The following MAP3K4 variants were observed in gnomAD, a reference collection of about 807,000 sequenced individuals.
MAP3K4 encodes the protein mitogen-activated protein kinase kinase kinase 4.
In MAP3K4, 67 loss-of-function variants were observed where a neutral mutation model predicts 185.6. That is an observed-to-expected ratio of 0.36 (90% CI 0.30 to 0.44). MAP3K4 has a LOEUF of 0.44. Among genes scored for constraint, MAP3K4 ranks in the 20% least tolerant of loss-of-function variants. The pLI, the probability that MAP3K4 is intolerant of heterozygous loss-of-function variation, is 1.00. For missense variants in MAP3K4, 1,551 were observed against 1,995.1 expected (o/e 0.78, Z 4.24); for synonymous variants, 702 against 710.4 (o/e 0.99, Z 0.19).
At chr6:161,044,808 A>G (rs959588433) in intron 2 of MAP3K4, among the ~76,000 whole-genome samples, 5 of 152,190 alleles carry the variant, frequency 3.3e-5, no homozygotes, top group African/African-American at 1.2e-4. Flanking sequence ...GAAGGTGAAG[A>G]GGAAGCAGGC....
intron 5 of MAP3K4, among the ~76,000 whole-genome samples, chr6:161,079,257 G>T (rs1239572164): frequency 6.7e-6 from 1 of 148,676 alleles, no homozygotes; most frequent in African/African-American, 2.5e-5. Flanking sequence ...GGAGGAAGCT[G>T]ACTTTGCAGC....
rs1279309950 is a variant in MAP3K4, at chr6:161,098,259, G to A, written c.3525-19G>A. The A allele has an allele frequency of 3.1e-6, 5 of 1,605,206 alleles. No individual in the cohort carries two copies. In the African/African-American group the frequency reaches 6.7e-5, roughly 22 times the overall value. ...CCCTCTTCTCACATGTGTTCCTGAA[G>A]CTTTTCTTCTTGTCTTAGCACTCGG... On this transcript the variant is annotated intron_variant, in intron 16 of 26. Coordinates refer to ENST00000392142, the MANE Select transcript of MAP3K4 (RefSeq NM_005922.4). This position sits in a 1 kb window ranked among gnomAD's most constrained non-coding sequence, Gnocchi z 4.4.
At position 161,054,227 on chromosome 6, in the gene MAP3K4, T is replaced by A. The variant is rs1784134257; in HGVS notation, c.1707+4248T>A. On this transcript the variant is annotated intron_variant, in intron 3 of 26. Transcript: ENST00000392142. The surrounding 1 kb of genome is among the most constrained non-coding windows in gnomAD (Gnocchi z 4.2). The stretch of plus-strand genomic sequence containing the variant: ...TGGAGTGCAATGGCGCTATCTCAGC[T>A]CCCTGAGACCTTTGCCTTGGGGGTT... Among the ~76,000 whole-genome samples, 1 of 152,222 alleles carries A rather than the reference T, an allele frequency of 6.6e-6. No homozygotes were observed. The highest frequency in any genetic ancestry group is 6.5e-5 in the Admixed American group (1 of 15,280).
At chr6:161,060,819 C>T (rs955977208) in intron 3 of MAP3K4, among the ~76,000 whole-genome samples, 1 of 151,986 alleles carries the variant, frequency 6.6e-6, no homozygotes, top group African/African-American at 2.4e-5. Context: ...CGGGTTTACA[C>T]CATGTTGGCC....
chr6:161,089,591 C>A, intron 11 of MAP3K4, 120 bp downstream of exon 11: 1 of 936,486 alleles, frequency 1.1e-6, no homozygotes, highest in Non-Finnish European at 1.6e-6. Context: ...CCTGCCCACT[C>A]ACCTCTCTTC....
rs145287122 is a variant in MAP3K4 at position 161,042,166 on chromosome 6, C to T, written c.344-6450C>T. Among the ~76,000 whole-genome samples the T allele has an allele frequency of 3.3e-5, 5 of 152,198 alleles. No individual in the cohort carries two copies. In the East Asian group the frequency reaches 9.7e-4, roughly 29 times the overall value. ...TGGCTAAGGACTTGAATTATATCTA[C>T]ACAGTCCCTTCTTAGCAGCAGGATG... On this transcript the variant is annotated intron_variant, in intron 2 of 26. Coordinates refer to ENST00000392142, the MANE Select transcript of MAP3K4 (RefSeq NM_005922.4).
intron 25 of MAP3K4, among the ~76,000 whole-genome samples, chr6:161,113,761 AT>A (rs71724907): frequency 0.065 from 5,979 of 92,686 alleles, 361 homozygotes; most frequent in African/African-American, 0.19. Flanking sequence ...AATTGAAATC[AT>A]TTTTTTTTTT....
At chr6:161,090,499 G>A (rs933540716) in intron 11 of MAP3K4, among the ~76,000 whole-genome samples, 20 of 148,970 alleles carry the variant, frequency 1.3e-4, no homozygotes, top group African/African-American at 5.0e-4. Flanking sequence ...GTTTGGGCCC[G>A]TAACTCTTGG....
intron 1 of MAP3K4, chr6:160,992,347 A>C (rs1008329958): frequency 8.0e-6 from 4 of 502,974 alleles, no homozygotes; most frequent in Non-Finnish European, 1.4e-5. Flanking sequence ...AGACTCCCCC[A>C]GCTCACCCTC....
chr6:161,113,790 CTTTTTTTTTTTT>C lies in MAP3K4; in HGVS notation c.4626+1030_4626+1041del, dbSNP rs963260228. Among the ~76,000 whole-genome samples, 6 of 71,076 alleles carry C rather than the reference CTTTTTTTTTTTT, an allele frequency of 8.4e-5. No individual in the cohort carries two copies. In the South Asian group the frequency reaches 1.9e-3, roughly 23 times the overall value. The allele number at this position is 71,076 out of a possible 152,430, so 46.6% of individuals were successfully genotyped here. ...TTTTTTTTACTTAGCATATGAGTGA[CTTTTTTTTTTTT>C]TTTTTTTTTTTTTGAGATGGAGTCT... On this transcript the variant is annotated intron_variant, in intron 25 of 26. Coordinates refer to ENST00000392142, the MANE Select transcript of MAP3K4 (RefSeq NM_005922.4).
At position 160,991,855 on chromosome 6, in the gene MAP3K4, C is replaced by T; in HGVS notation, c.-77C>T. On this transcript the variant is annotated 5_prime_UTR_variant, in exon 1 of 27. Coordinates refer to ENST00000392142, the MANE Select transcript of MAP3K4 (RefSeq NM_005922.4). The surrounding 1 kb of genome is among the most constrained non-coding windows in gnomAD (Gnocchi z 5.7). The stretch of plus-strand genomic sequence containing the variant: ...GGCGGAGGCGGAGTCGAGTCACTCC[C>T]GCACTTCGGGGCTCCGGTGCCCCGC... 7.1e-7 allele frequency: 1 copy of T among 1,410,094 alleles called. No homozygotes were observed. Among genetic ancestry groups the T allele is most frequent in the Non-Finnish European group, 9.2e-7 (1 of 1,091,740 alleles). 87.3% of individuals were successfully genotyped at this position (1,410,094 alleles called of 1,614,324 possible).
chr6:161,015,117 C>G (rs1782029631), intron 1 of MAP3K4, among the ~76,000 whole-genome samples: 1 of 152,120 alleles, frequency 6.6e-6, no homozygotes, highest in African/African-American at 2.4e-5. Flanking sequence ...CAACAGTATT[C>G]TCTTTAATGT....
At chr6:161,047,239 G>T (rs1783772916) in intron 2 of MAP3K4, among the ~76,000 whole-genome samples, 1 of 148,432 alleles carries the variant, frequency 6.7e-6, no homozygotes, top group African/African-American at 2.5e-5. Context: ...CCAGGAATTT[G>T]GGACCAGCTT....
intron 1 of MAP3K4, among the ~76,000 whole-genome samples, chr6:161,020,951 A>G (rs144644671): frequency 1.1e-3 from 162 of 152,336 alleles, no homozygotes; most frequent in African/African-American, 3.7e-3. Context: ...TTCAACCACA[A>G]TTACCAATTA....
rs1260751823 is a variant in MAP3K4 at position 161,071,330 on chromosome 6, GAT to G, written c.1950+483_1950+484del. 6.6e-6 allele frequency among the ~76,000 whole-genome samples: 1 copy of G among 152,160 alleles called. No individual in the cohort carries two copies. The highest frequency in any genetic ancestry group is 2.4e-5 in the African/African-American group (1 of 41,434). On this transcript the variant is annotated intron_variant, in intron 4 of 26. Coordinates refer to ENST00000392142, the MANE Select transcript of MAP3K4 (RefSeq NM_005922.4). This position sits in a 1 kb window ranked among gnomAD's most constrained non-coding sequence, Gnocchi z 4.6. ...TCTGGGTGGGATCTTACGGATGTTTGATATCCCAGGAGCAGCAGCGGAATGGG... is the reference window on the plus strand; with the variant it reads ...TCTGGGTGGGATCTTACGGATGTTTGATCCCAGGAGCAGCAGCGGAATGGG...
Position 161,101,333 on chromosome 6 carries a change from G to A in MAP3K4, c.3675-559G>A, listed in dbSNP as rs4709491. ...AGGTATTCCCTTCCATTTTCTTACT[G>A]AGAGATTTGGAATCTTTTGGACCAT... On this transcript the variant is annotated intron_variant, in intron 17 of 26. Coordinates refer to ENST00000392142, the MANE Select transcript of MAP3K4 (RefSeq NM_005922.4). The surrounding 1 kb of genome is among the most constrained non-coding windows in gnomAD (Gnocchi z 5.1). 132,306 of 152,142 alleles carry A rather than the reference G, an allele frequency of 0.87. 57,609 individuals carry two copies. The highest frequency in any genetic ancestry group is 0.99 in the East Asian group (5,132 of 5,174). The allele number at this position is 152,142 out of a possible 1,614,324, so 9.4% of individuals were successfully genotyped here. A position where few individuals can be genotyped will look rare whatever the true frequency, so the allele number is the denominator to read the frequency against.
At position 160,991,773 on chromosome 6, in the gene MAP3K4, G is replaced by T. The variant is rs1476464278; in HGVS notation, c.-159G>T. ...GCCGCCCACCGTAGCCCCGGCGCTC[G>T]GCCGGTCGCCGTTTCCAAGATGGCC... On this transcript the variant is annotated 5_prime_UTR_variant, in exon 1 of 27. Transcript: ENST00000392142. The surrounding 1 kb of genome is among the most constrained non-coding windows in gnomAD (Gnocchi z 5.7). The T allele has an allele frequency of 1.3e-6, 1 of 782,060 alleles. No individual in the cohort carries two copies. The highest frequency in any genetic ancestry group is 4.3e-5 in the Admixed American group (1 of 23,158). 48.4% of individuals were successfully genotyped at this position (782,060 alleles called of 1,614,324 possible). A position where few individuals can be genotyped will look rare whatever the true frequency, so the allele number is the denominator to read the frequency against.
chr6:161,091,471 A>T lies in MAP3K4; in HGVS notation c.3066A>T (p.Glu1022Asp). The T allele has an allele frequency of 6.2e-7, 1 of 1,614,136 alleles. No individual in the cohort carries two copies. Among genetic ancestry groups the T allele is most frequent in the Non-Finnish European group, 8.5e-7 (1 of 1,179,990 alleles). Residue 1022 changes from glutamate to aspartate, a missense_variant, in exon 12 of 27, where the codon GAA becomes GAT. Coordinates refer to ENST00000392142, the MANE Select transcript of MAP3K4 (RefSeq NM_005922.4). The surrounding 1 kb of genome is among the most constrained non-coding windows in gnomAD (Gnocchi z 5.5). ...FTSEFDAEVDESESVTLQQYY... is the reference protein window; with the variant it reads ...FTSEFDAEVDDSESVTLQQYY... ...CAGAATTTGATGCTGAGGTTGATGA[A>T]TCTGAATCTGTCACCTTGCAACAGT... is the stretch of plus-strand genomic sequence containing the variant.
At chr6:161,095,103 A>T (rs1018079701) in intron 15 of MAP3K4, among the ~76,000 whole-genome samples, 5 of 152,174 alleles carry the variant, frequency 3.3e-5, no homozygotes, top group African/African-American at 1.2e-4. Context: ...TGAGTCGCTC[A>T]TCTTTCAATA....
Sources: gnomAD v4.1 joint callset for allele counts (sites outside exome capture counted in the v4.1 genomes callset) on GRCh38, gnomAD v4.1.1 for gene constraint, Gnocchi (gnomAD v3.1) non-coding constraint, MANE v1.5 for transcripts, NCBI Gene and HGNC (gene_info 2026-07-23, HGNC 2026-07-21) for gene names.